The following TCOF1 variants were observed in gnomAD, a reference collection of about 807,000 sequenced individuals.
TCOF1 encodes the protein treacle ribosome biogenesis factor 1.
TCOF1 carries 33 observed loss-of-function variants against 149.0 expected under a neutral mutation model. That is an observed-to-expected ratio of 0.22 (90% confidence interval 0.17 to 0.30). The LOEUF (loss-of-function observed/expected upper bound fraction) is 0.30, where lower values mean the gene tolerates loss of function less well. Among genes scored for constraint, TCOF1 ranks in the 10% least tolerant of loss-of-function variants. The probability of loss-of-function intolerance (pLI) is 1.00; values close to 1 mark genes in which losing one functional copy is unlikely to be tolerated. For synonymous variants in TCOF1, 789 were observed against 738.8 expected, an observed-to-expected ratio of 1.07 and a Z score of -1.10; for missense variants, 1,728 against 1,840.7, an observed-to-expected ratio of 0.94 and a Z score of 1.12.
intron 7 of TCOF1, among the ~76,000 whole-genome samples, chr5:150,373,103 CAG>C (rs1762905820): frequency 6.6e-6 from 1 of 152,098 alleles, no homozygotes; most frequent in Non-Finnish European, 1.5e-5. Flanking sequence ...TTTTTTGAGA[CAG>C]AGTCTTGCTC....
intron 6 of TCOF1, among the ~76,000 whole-genome samples, chr5:150,371,069 G>A (rs1451713629): frequency 6.6e-6 from 1 of 152,178 alleles, no homozygotes; most frequent in African/African-American, 2.4e-5. Flanking sequence ...GAGTAATACT[G>A]ATACTGGCAT....
At chr5:150,364,078 C>T (rs764567260) in intron 2 of TCOF1, 35 bp from the exon 3 acceptor site, 2 of 1,613,758 alleles carry the variant, frequency 1.2e-6, no homozygotes, top group South Asian at 2.2e-5. Flanking sequence ...TGTTCTGTCA[C>T]CCAGTTGGTA....
intron 17 of TCOF1, chr5:150,382,974 G>T: frequency 9.2e-7 from 1 of 1,083,702 alleles, no homozygotes; most frequent in East Asian, 2.6e-5. Flanking sequence ...AAACCAGAGT[G>T]CCTGAGGGTC....
intron 25 of TCOF1, 131 bp from the exon 26 acceptor site, chr5:150,398,891 C>G (rs960576837): frequency 2.3e-6 from 3 of 1,281,898 alleles, no homozygotes; most frequent in Middle Eastern, 1.8e-4. Flanking sequence ...ATCTGTTTGC[C>G]TCTGCCCTTG....
intron 1 of TCOF1, 135 bp downstream of exon 1, chr5:150,357,989 G>C: frequency 1.3e-6 from 1 of 794,798 alleles, no homozygotes; most frequent in Non-Finnish European, 1.9e-6. Flanking sequence ...GCGCGGCCAG[G>C]GGTACCGGAG....
chr5:150,399,120 G>C, intron 26 of TCOF1, 50 bp downstream of exon 26: 1 of 1,607,022 alleles, frequency 6.2e-7, no homozygotes, highest in Admixed American at 1.7e-5. Context: ...GACAGCTCTG[G>C]TGTCCCCTGT....
chr5:150,378,802 G>GCC, intron 14 of TCOF1, 103 bp from the exon 15 acceptor site: 1 of 1,562,892 alleles, frequency 6.4e-7, no homozygotes, highest in Non-Finnish European at 8.8e-7. Flanking sequence ...GCATGGAGGA[G>GCC]CCAGAATCCA....
chr5:150,358,586 C>T (rs1018338020), intron 1 of TCOF1, among the ~76,000 whole-genome samples: 18 of 152,146 alleles, frequency 1.2e-4, no homozygotes, highest in Non-Finnish European at 2.2e-4. Context: ...CCTGTAATCC[C>T]AGCACTTAGG....
At chr5:150,378,642 A>G in intron 14 of TCOF1, 1 of 516,496 alleles carries the variant, frequency 1.9e-6, no homozygotes, top group South Asian at 2.1e-5. Flanking sequence ...TTGAGTGTTT[A>G]TTATGTTCCA....
At chr5:150,373,486 G>A (rs1193579590) in intron 7 of TCOF1, among the ~76,000 whole-genome samples, 1 of 152,180 alleles carries the variant, frequency 6.6e-6, no homozygotes, top group African/African-American at 2.4e-5. Context: ...TGTTTTCTAG[G>A]GTTGTTGGCC....
intron 18 of TCOF1, among the ~76,000 whole-genome samples, chr5:150,389,505 G>A (rs1766967176): frequency 6.6e-6 from 1 of 152,220 alleles, no homozygotes; most frequent in Non-Finnish European, 1.5e-5. Flanking sequence ...GTGCTTTGAA[G>A]AACATGCATG....
intron 7 of TCOF1, among the ~76,000 whole-genome samples, chr5:150,372,795 G>A (rs1762839850): frequency 6.6e-6 from 1 of 152,198 alleles, no homozygotes; most frequent in Admixed American, 6.5e-5. Context: ...AAATGGTAAA[G>A]AGGAAGTGGG....
chr5:150,392,209 C>T (rs1767583713), intron 21 of TCOF1, 33 bp downstream of exon 21: 1 of 1,606,728 alleles, frequency 6.2e-7, no homozygotes. Context: ...AAGGGTGGGC[C>T]AGGAAGAGGG....
chr5:150,380,410 T>C (rs1764886211), intron 17 of TCOF1: 1 of 154,800 alleles, frequency 6.5e-6, no homozygotes, highest in Admixed American at 6.3e-5. Context: ...CCTGTCAGAG[T>C]CCCAGGGAAG....
intron 14 of TCOF1, among the ~76,000 whole-genome samples, chr5:150,378,190 A>G (rs1157693314): frequency 6.6e-6 from 1 of 152,218 alleles, no homozygotes; most frequent in Non-Finnish European, 1.5e-5. Context: ...GACACTGACC[A>G]GATGCCATCC....
intron 17 of TCOF1, chr5:150,383,863 A>G: frequency 6.5e-7 from 1 of 1,549,242 alleles, no homozygotes; most frequent in Non-Finnish European, 8.7e-7. Flanking sequence ...CTACACCTCC[A>G]AGGGTGGGAC....
chr5:150,365,284 G>A (rs1410653670), intron 3 of TCOF1, among the ~76,000 whole-genome samples: 2 of 148,602 alleles, frequency 1.3e-5, no homozygotes, highest in Admixed American at 1.3e-4. Flanking sequence ...AATAGAGACG[G>A]GGTTTCACAA....
At chr5:150,380,612 G>T (rs953329273) in intron 17 of TCOF1, 1 of 152,284 alleles carries the variant, frequency 6.6e-6, no homozygotes, top group Non-Finnish European at 1.5e-5. Flanking sequence ...GCTTGCAGAA[G>T]ATAGCAGGGC....
chr5:150,375,521 T>C lies in TCOF1; in HGVS notation c.1671T>C (p.Asp557=), dbSNP rs142758482. 2,010 of 1,614,090 alleles carry C rather than the reference T, an allele frequency of 1.2e-3. 5 individuals are homozygous for C. Among genetic ancestry groups the C allele is most frequent in the Non-Finnish European group, 1.1e-3 (1,339 of 1,179,976 alleles). ...SSSEESSDSS[D]GEVPTAVAPA... is the part of the protein sequence containing the mutation. ...GTGAGGAGTCATCAGACAGCAGTGA[T>C]GGAGAGGTGCCCACAGCTGTGGCCC... The change falls in exon 11 of 27, where the codon GAT becomes GAC. Residue 557 remains aspartate (D), a synonymous_variant. Transcript: ENST00000643257.
Sources: gnomAD v4.1 joint callset for allele counts (sites outside exome capture counted in the v4.1 genomes callset) on GRCh38, gnomAD v4.1.1 for gene constraint, MANE v1.5 for transcripts, NCBI Gene and HGNC (gene_info 2026-07-23, HGNC 2026-07-21) for gene names.